Variants in UPF1 observed in about 807,000 individuals in gnomAD.
The protein encoded by UPF1 is UPF1 RNA helicase and ATPase.
In UPF1, 9 loss-of-function variants were observed where a neutral mutation model predicts 129.2. The ratio of observed to expected loss-of-function variants is 0.07; its 90% confidence interval spans 0.04 to 0.12. The LOEUF (loss-of-function observed/expected upper bound fraction) is 0.12. UPF1 is among the 10% of genes least tolerant of loss of function. The pLI is 1.00. For synonymous variants in UPF1, 649 were observed against 644.9 expected (o/e 1.01, Z -0.10); for missense variants, 788 against 1,525.3 (o/e 0.52, Z 8.05).
chr19:18,863,670 C>T lies in UPF1; in HGVS notation c.2775+58C>T, dbSNP rs1256457308. 5.2e-6 allele frequency: 8 copies of T among 1,545,386 alleles called. No individual in the cohort carries two copies. The East Asian group carries it at 1.7e-4, about 32-fold the overall frequency. ...GGAGAAACCCGGGCCCAAAACACTG[C>T]TGGGAACGTGCCAGCTTGGCCCGTG... On this transcript the variant is annotated intron_variant, in intron 19 of 23. Coordinates refer to ENST00000262803, the MANE Select transcript of UPF1 (RefSeq NM_002911.4).
chr19:18,865,772 G>C lies in UPF1; in HGVS notation c.3231G>C (p.Leu1077=). The C allele has an allele frequency of 1.2e-6, 2 of 1,612,908 alleles. No homozygotes were observed. Among genetic ancestry groups the C allele is most frequent in the Non-Finnish European group, 1.7e-6 (2 of 1,179,964 alleles). ...AGCCCGGCCTCTCCCAGCCGGAGCT[G>C]TCCCAGGTGAGCCCGCCCCTGGGAC... ...MSQPGLSQPE[L]SQDSYLGDEF... is the part of the protein sequence containing the mutation. The change falls in exon 22 of 24, where the codon CTG becomes CTC. Residue 1077 remains leucine, a synonymous_variant. Transcript: ENST00000262803. This position sits in a 1 kb window ranked among gnomAD's most constrained non-coding sequence, Gnocchi z 6.1.
chr19:18,841,421 T>C (rs572072565), intron 1 of UPF1, among the ~76,000 whole-genome samples: 16 of 152,344 alleles, frequency 1.1e-4, no homozygotes, highest in Middle Eastern at 3.4e-3. Context: ...AGCGCCGTTA[T>C]CACACAAGCA....
chr19:18,861,277 G>T (rs1260515504), intron 17 of UPF1, among the ~76,000 whole-genome samples: 1 of 152,248 alleles, frequency 6.6e-6, no homozygotes, highest in Non-Finnish European at 1.5e-5. Context: ...GTCCAAGGTG[G>T]AACGGCAGTG....
At chr19:18,862,677 A>G (rs1330057474) in intron 18 of UPF1, among the ~76,000 whole-genome samples, 2 of 152,166 alleles carry the variant, frequency 1.3e-5, no homozygotes, top group Non-Finnish European at 2.9e-5. Flanking sequence ...ACTAAATACA[A>G]AAAAATGAGC....
At chr19:18,840,641 G>C (rs1438048120) in intron 1 of UPF1, among the ~76,000 whole-genome samples, 1 of 152,222 alleles carries the variant, frequency 6.6e-6, no homozygotes, top group Non-Finnish European at 1.5e-5. Flanking sequence ...GGAGGGGCTG[G>C]TGGGAGGAGT....
chr19:18,863,341 G>C (rs1054181137), intron 18 of UPF1, 97 bp from the exon 19 acceptor site: 16 of 1,506,232 alleles, frequency 1.1e-5, no homozygotes, highest in Admixed American at 5.5e-5. Context: ...TGTTGCCTTG[G>C]ATTTGGGTTC....
chr19:18,855,195 G>A lies in UPF1; in HGVS notation c.1497G>A (p.Thr499=), dbSNP rs1212862693. The change falls in exon 11 of 24, where the codon ACG becomes ACA. Residue 499 remains threonine (T), a synonymous_variant. Transcript: ENST00000262803. ...AGGGCCCGCCAGGCACGGGGAAGACGGTGACGTCGGCCACCATCGTCTACC... is the reference window on the plus strand; with the variant it reads ...AGGGCCCGCCAGGCACGGGGAAGACAGTGACGTCGGCCACCATCGTCTACC... The part of the protein sequence containing the change: ...LIQGPPGTGK[T]VTSATIVYHL... The A allele has an allele frequency of 5.6e-6, 9 of 1,613,204 alleles. No individual in the cohort carries two copies. The highest frequency in any genetic ancestry group is 5.0e-5 in the Admixed American group (3 of 60,010).
At chr19:18,842,453 T>C (rs1372467128) in intron 1 of UPF1, among the ~76,000 whole-genome samples, 3 of 151,416 alleles carry the variant, frequency 2.0e-5, no homozygotes, top group Admixed American at 2.0e-4. Context: ...GGAGTCGGAG[T>C]GCAGGGGGAT....
At position 18,847,759 on chromosome 19, in the gene UPF1, C is replaced by T. The variant is rs780240552; in HGVS notation, c.387C>T (p.His129=). The T allele has an allele frequency of 2.0e-5, 33 of 1,614,000 alleles. 1 individual carries two copies. Among genetic ancestry groups the T allele is most frequent in the Middle Eastern group, 1.6e-4 (1 of 6,082 alleles). The change falls in exon 3 of 24, where the codon CAC becomes CAT. Residue 129 remains histidine (H), a synonymous_variant. Coordinates refer to ENST00000262803, the MANE Select transcript of UPF1 (RefSeq NM_002911.4). ...PIHACSYCGI[H]DPACVVYCNT... is the part of the protein sequence containing the mutation. The stretch of plus-strand genomic sequence containing the variant: ...GATTTTTTAGTTACTGTGGAATACA[C>T]GATCCTGCCTGCGTGGTTTACTGTA...
Position 18,865,858 on chromosome 19 carries a change from G to C in UPF1, c.3237+80G>C, listed in dbSNP as rs1228623666. 1.9e-6 allele frequency: 3 copies of C among 1,592,794 alleles called. No homozygotes were observed. Among genetic ancestry groups the C allele is most frequent in the African/African-American group, 2.7e-5 (2 of 74,430 alleles). ...GAAACATTCCCTCTGAAGAGCCCCA[G>C]AGAGCTGGCCTGGCCCATGTCCACT... On this transcript the variant is annotated intron_variant, in intron 22 of 23. Coordinates refer to ENST00000262803, the MANE Select transcript of UPF1 (RefSeq NM_002911.4). This position sits in a 1 kb window ranked among gnomAD's most constrained non-coding sequence, Gnocchi z 6.1.
At position 18,853,632 on chromosome 19, in the gene UPF1, C is replaced by T. The variant is rs558291609; in HGVS notation, c.1156+282C>T. ...GGCTGACTCTGGAAGTTAATGTATG[C>T]CGCTTGTGTGGCACGTCCCTGGACT... On this transcript the variant is annotated intron_variant, in intron 8 of 23. Coordinates refer to ENST00000262803, the MANE Select transcript of UPF1 (RefSeq NM_002911.4). The surrounding 1 kb of genome is among the most constrained non-coding windows in gnomAD (Gnocchi z 4.4). Among the ~76,000 whole-genome samples, 15 of 152,304 alleles carry T rather than the reference C, an allele frequency of 9.8e-5. No individual in the cohort carries two copies. In the South Asian group the frequency reaches 2.9e-3, roughly 29 times the overall value.
At chr19:18,852,035 A>G (rs2055663929) in intron 5 of UPF1, 100 bp from the exon 6 acceptor site, 1 of 1,429,506 alleles carries the variant, frequency 7.0e-7, no homozygotes, top group Non-Finnish European at 9.2e-7. Flanking sequence ...CATTCTGAGA[A>G]GCGGCATGTG....
At chr19:18,864,384 C>T in intron 20 of UPF1, 133 bp downstream of exon 20, 1 of 730,274 alleles carries the variant, frequency 1.4e-6, no homozygotes, top group Non-Finnish European at 2.2e-6. Flanking sequence ...CCTTGGCCTC[C>T]CCGCCCCTAG....
At position 18,832,398 on chromosome 19, in the gene UPF1, C is replaced by A. The variant is rs1337304971; in HGVS notation, c.189C>A (p.Gly63=). 3 of 1,028,834 alleles carry A rather than the reference C, an allele frequency of 2.9e-6. No homozygotes were observed. Among genetic ancestry groups the A allele is most frequent in the Non-Finnish European group, 2.3e-6 (2 of 858,848 alleles). The allele number at this position is 1,028,834 out of a possible 1,614,324, so 63.7% of individuals were successfully genotyped here. A position where few individuals can be genotyped will look rare whatever the true frequency, so the allele number is the denominator to read the frequency against. ...GPGGGGAGGP[G]GAGAGAAAGQ... ...GCGGTGGCGGCGCGGGAGGCCCGGG[C>A]GGCGCGGGCGCGGGCGCTGCGGCGG... Residue 63 remains glycine, a synonymous_variant, in exon 1 of 24, where the codon GGC becomes GGA. Coordinates refer to ENST00000262803, the MANE Select transcript of UPF1 (RefSeq NM_002911.4). This position sits in a 1 kb window ranked among gnomAD's most constrained non-coding sequence, Gnocchi z 5.6.
chr19:18,852,473 C>T (rs1283741466), intron 6 of UPF1, among the ~76,000 whole-genome samples, 177 bp downstream of exon 6: 1 of 152,092 alleles, frequency 6.6e-6, no homozygotes, highest in African/African-American at 2.4e-5. Context: ...TCTGAGCCCC[C>T]GCCCTCAGAT....
intron 14 of UPF1, 150 bp downstream of exon 14, chr19:18,857,170 G>T: frequency 6.8e-7 from 1 of 1,480,082 alleles, no homozygotes. Context: ...GGTGGGTTCT[G>T]CCAGCTGCAC....
chr19:18,860,755 C>T (rs920087860), intron 16 of UPF1, 71 bp from the exon 17 acceptor site: 5 of 1,586,848 alleles, frequency 3.2e-6, no homozygotes, highest in Admixed American at 1.7e-5. Context: ...GTCTGCACCC[C>T]TCACGGCCTC....
chr19:18,854,496 A>T, intron 8 of UPF1, 105 bp from the exon 9 acceptor site: 2 of 861,404 alleles, frequency 2.3e-6, no homozygotes, highest in Non-Finnish European at 3.7e-6. Context: ...GCGGTGTCTT[A>T]AGTAACTAAA....
intron 6 of UPF1, 30 bp downstream of exon 6, chr19:18,852,326 G>A (rs201189306): frequency 1.2e-5 from 20 of 1,609,224 alleles, no homozygotes; most frequent in Non-Finnish European, 1.7e-5. Context: ...TTGGCCTGGG[G>A]TGGGCTCTGG....
Sources: gnomAD v4.1 joint callset for allele counts (sites outside exome capture counted in the v4.1 genomes callset) on GRCh38, gnomAD v4.1.1 for gene constraint, Gnocchi (gnomAD v3.1) non-coding constraint, MANE v1.5 for transcripts, NCBI Gene and HGNC (gene_info 2026-07-23, HGNC 2026-07-21) for gene names.